The following RHNO1 variants were observed in gnomAD, a reference collection of about 807,000 sequenced individuals.
The protein encoded by RHNO1 is RAD9, HUS1, RAD1-interacting nuclear orphan protein 1.
In RHNO1, 9 loss-of-function variants were observed where a neutral mutation model predicts 7.2. The observed-to-expected ratio is 1.25, with a 90% confidence interval of 0.75 to 2.18. RHNO1 has a LOEUF of 2.18. RHNO1 is among the 30% of genes most tolerant of loss of function. The pLI is 0.00. For synonymous variants in RHNO1, 95 were observed against 107.5 expected, an observed-to-expected ratio of 0.88 and a Z score of 0.72; for missense variants, 292 against 284.5, an observed-to-expected ratio of 1.03 and a Z score of -0.19.
Position 2,888,474 on chromosome 12 carries a change from C to G in RHNO1, c.*15C>G. ...TGAAAAGCTGACTGCCATCAGTAAT[C>G]TCAATAGAAAAGAGATATGTTTTCT... On this transcript the variant is annotated 3_prime_UTR_variant, in exon 3 of 3. Coordinates refer to ENST00000489288, the MANE Select transcript of RHNO1 (RefSeq NM_001252499.3). 1 of 1,538,242 alleles carries G rather than the reference C, an allele frequency of 6.5e-7. No individual in the cohort carries two copies. The highest frequency in any genetic ancestry group is 8.7e-7 in the Non-Finnish European group (1 of 1,146,410).
intron 1 of RHNO1, among the ~76,000 whole-genome samples, chr12:2,878,382 GA>G (rs2098151746): frequency 6.6e-6 from 1 of 152,084 alleles, no homozygotes; most frequent in Admixed American, 6.6e-5. Flanking sequence ...ATGGCAGGAG[GA>G]AGCACAGTGA....
At chr12:2,881,930 A>G (rs2098158347) in intron 1 of RHNO1, among the ~76,000 whole-genome samples, 1 of 151,538 alleles carries the variant, frequency 6.6e-6, no homozygotes, top group Non-Finnish European at 1.5e-5. Context: ...AGAAAAAAAG[A>G]GAAACTGTGT....
At chr12:2,883,075 A>AAAAAAACAACAAC (rs1555108312) in intron 1 of RHNO1, among the ~76,000 whole-genome samples, 1 of 134,504 alleles carries the variant, frequency 7.4e-6, no homozygotes, top group East Asian at 2.2e-4. Flanking sequence ...TCAAAAAAAA[A>AAAAAAACAACAAC]AAAAAAAAAA....
At chr12:2,887,398 C>T (rs565174488) in intron 2 of RHNO1, among the ~76,000 whole-genome samples, 2 of 149,356 alleles carry the variant, frequency 1.3e-5, no homozygotes, top group African/African-American at 2.5e-5. Context: ...GAATCGCTTG[C>T]ATCAGGGAGT....
chr12:2,881,575 T>C (rs941952043), intron 1 of RHNO1, among the ~76,000 whole-genome samples: 4 of 152,084 alleles, frequency 2.6e-5, no homozygotes, highest in Non-Finnish European at 5.9e-5. Context: ...TGGATATATA[T>C]ATTTTTTGTG....
chr12:2,883,517 T>TATATAA (rs2098161645), intron 1 of RHNO1, among the ~76,000 whole-genome samples: 1 of 32,812 alleles, frequency 3.0e-5, no homozygotes, highest in African/African-American at 1.4e-4. Flanking sequence ...ATATATTTTT[T>TATATAA]TTTTTTTTTT....
At chr12:2,883,505 ATATATATTTTTT>A (rs1309877556) in intron 1 of RHNO1, among the ~76,000 whole-genome samples, 511 of 31,558 alleles carry the variant, frequency 0.016, 2 homozygotes, top group South Asian at 0.058. Flanking sequence ...ATATATATAT[ATATATATTTTTT>A]TTTTTTTTTT....
chr12:2,882,959 C>T (rs1044455548), intron 1 of RHNO1, among the ~76,000 whole-genome samples: 2 of 149,928 alleles, frequency 1.3e-5, no homozygotes, highest in Admixed American at 6.7e-5. Context: ...TCCAGCTACT[C>T]AGGAAGCTGA....
upstream of RHNO1, chr12:2,876,810 A>T (rs1447789295): frequency 6.6e-6 from 1 of 152,124 alleles, no homozygotes; most frequent in Non-Finnish European, 1.5e-5. Flanking sequence ...CCAAATCTCC[A>T]CTCGTGGCCC....
Position 2,888,564 on chromosome 12 carries a change from GT to G in RHNO1, c.*107del, listed in dbSNP as rs2098168492. ...TGTTTTTGAGATGTAATATTGCTCT[GT>G]TGCCCAGGCTGGAGTGCAGTGGTAT... On this transcript the variant is annotated 3_prime_UTR_variant, in exon 3 of 3. Coordinates refer to ENST00000489288, the MANE Select transcript of RHNO1 (RefSeq NM_001252499.3). 9.7e-7 allele frequency: 1 copy of G among 1,026,060 alleles called. No homozygotes were observed. The highest frequency in any genetic ancestry group is 1.8e-5 in the South Asian group (1 of 55,102). 63.6% of individuals were successfully genotyped at this position (1,026,060 alleles called of 1,614,324 possible). A position where few individuals can be genotyped will look rare whatever the true frequency, so the allele number is the denominator to read the frequency against.
At chr12:2,883,511 A>ATATATATATATT (rs2098161542) in intron 1 of RHNO1, among the ~76,000 whole-genome samples, 48 of 26,824 alleles carry the variant, frequency 1.8e-3, no homozygotes, top group Non-Finnish European at 2.5e-3. Context: ...ATATATATAT[A>ATATATATATATT]TTTTTTTTTT....
At chr12:2,877,072 G>A (rs1422695914), upstream of RHNO1, 2 of 152,054 alleles carry the variant, frequency 1.3e-5, no homozygotes, top group Non-Finnish European at 2.9e-5. Flanking sequence ...AACCCCGGGG[G>A]ATCCCGGGAG....
intron 1 of RHNO1, among the ~76,000 whole-genome samples, chr12:2,878,598 G>T (rs1054067928): frequency 2.0e-5 from 3 of 151,996 alleles, no homozygotes; most frequent in Admixed American, 6.6e-5. Context: ...TCCCTCTATA[G>T]CGGGGATTGC....
intron 1 of RHNO1, among the ~76,000 whole-genome samples, chr12:2,882,829 G>A (rs2098159776): frequency 6.6e-6 from 1 of 152,164 alleles, no homozygotes; most frequent in South Asian, 2.1e-4. Context: ...GGAAGGCTAA[G>A]GAGGGAAGGA....
chr12:2,880,460 A>T lies in RHNO1; in HGVS notation c.-85+3178A>T, dbSNP rs980999168. On this transcript the variant is annotated intron_variant, in intron 1 of 2. Coordinates refer to ENST00000489288, the MANE Select transcript of RHNO1 (RefSeq NM_001252499.3). ...GGTGAAACCCCATCTCTACTAAAAA[A>T]TACTATAATTAGCTGGGCGTGGTGA... Among the ~76,000 whole-genome samples the T allele has an allele frequency of 2.6e-5, 4 of 151,928 alleles. No homozygotes were observed. In the East Asian group the frequency reaches 7.7e-4, roughly 29 times the overall value.
chr12:2,883,066 CAAA>C (rs776370244), intron 1 of RHNO1, among the ~76,000 whole-genome samples: 67 of 36,492 alleles, frequency 1.8e-3, no homozygotes, highest in Middle Eastern at 0.034. Context: ...GGCCCTGTCT[CAAA>C]AAAAAAAAAA....
At chr12:2,881,843 T>G (rs2098158144) in intron 1 of RHNO1, among the ~76,000 whole-genome samples, 1 of 150,836 alleles carries the variant, frequency 6.6e-6, no homozygotes, top group African/African-American at 2.5e-5. Flanking sequence ...AGGTAGAGGT[T>G]GTGGTGAGCC....
chr12:2,887,818 A>G, intron 2 of RHNO1, 93 bp from the exon 3 acceptor site: 6 of 1,042,462 alleles, frequency 5.8e-6, no homozygotes, highest in Non-Finnish European at 8.2e-6. Context: ...TTACTACAGT[A>G]GACCCCGATT....
At chr12:2,883,501 ATATATATATATTT>A (rs1456560879) in intron 1 of RHNO1, among the ~76,000 whole-genome samples, 5 of 31,236 alleles carry the variant, frequency 1.6e-4, no homozygotes, top group African/African-American at 3.4e-4. Flanking sequence ...ATATATATAT[ATATATATATATTT>A]TTTTTTTTTT....
Sources: gnomAD v4.1 joint callset for allele counts (sites outside exome capture counted in the v4.1 genomes callset) on GRCh38, gnomAD v4.1.1 for gene constraint, MANE v1.5 for transcripts, NCBI Gene and HGNC (gene_info 2026-07-23, HGNC 2026-07-21) for gene names.